SEC23A: variants seen among roughly 807,000 people sequenced by gnomAD.
The protein encoded by SEC23A is SEC23 homolog A, COPII component, also known as protein transport protein Sec23A.
Under a neutral mutation model 103.7 loss-of-function variants are expected in SEC23A, and 56 were observed. The observed-to-expected ratio is 0.54, with a 90% CI of 0.44 to 0.67. The LOEUF is 0.67. Among genes scored for constraint, SEC23A ranks in the 30% least tolerant of loss-of-function variants. The pLI, the probability that SEC23A is intolerant of heterozygous loss-of-function variation, is 0.00. For missense variants in SEC23A, 784 were observed against 936.4 expected (o/e 0.84, Z 2.12); for synonymous variants, 281 against 293.0 (o/e 0.96, Z 0.42).
chr14:39,076,444 T>G (rs1887025363), intron 7 of SEC23A, among the ~76,000 whole-genome samples: 1 of 150,954 alleles, frequency 6.6e-6, no homozygotes, highest in Non-Finnish European at 1.5e-5. Context: ...TTTTTTTTTT[T>G]TTTTTTAGAG....
intron 14 of SEC23A, among the ~76,000 whole-genome samples, chr14:39,052,388 A>G (rs1012485376): frequency 6.6e-6 from 1 of 152,214 alleles, no homozygotes; most frequent in African/African-American, 2.4e-5. Flanking sequence ...AATTCTAGAC[A>G]TAAGTCTTCA....
rs751291715 is a variant in SEC23A, at chr14:39,093,137, G to T, written c.279+50C>A. The T allele has an allele frequency of 2.0e-6, 3 of 1,504,446 alleles. No individual in the cohort carries two copies. In the South Asian group the frequency reaches 3.4e-5, roughly 17 times the overall value. The allele number at this position is 1,504,446 out of a possible 1,614,324, so 93.2% of individuals were successfully genotyped here. ...CCGCCTCGGCCTCCCAAAGTGCTGG[G>T]ATTACAGGCATGAGCCACTGCGCCC... On this transcript the variant is annotated intron_variant, in intron 3 of 19. Coordinates refer to ENST00000307712, the MANE Select transcript of SEC23A (RefSeq NM_006364.4).
intron 19 of SEC23A, among the ~76,000 whole-genome samples, chr14:39,035,005 T>C (rs1237121129): frequency 1.3e-5 from 2 of 152,220 alleles, no homozygotes; most frequent in Admixed American, 6.5e-5. Flanking sequence ...TGGTTACTGT[T>C]ATTTCCTTTA....
chr14:39,072,545 G>A (rs1886872622), intron 9 of SEC23A, among the ~76,000 whole-genome samples: 1 of 152,034 alleles, frequency 6.6e-6, no homozygotes, highest in Admixed American at 6.6e-5. Context: ...GGGCACGGTG[G>A]CTCACACCTG....
At chr14:39,100,267 T>A (rs1888037149) in intron 1 of SEC23A, among the ~76,000 whole-genome samples, 1 of 152,318 alleles carries the variant, frequency 6.6e-6, no homozygotes, top group African/African-American at 2.4e-5. Flanking sequence ...TACATGGCTA[T>A]GCACAACACT....
chr14:39,094,438 ATATATTTTT>A lies in SEC23A; in HGVS notation c.222-1203_222-1195del, dbSNP rs1331599024. Among the ~76,000 whole-genome samples, 30 of 15,672 alleles carry A rather than the reference ATATATTTTT, an allele frequency of 1.9e-3. 5 individuals are homozygous for A. The highest frequency in any genetic ancestry group is 2.4e-3 in the Admixed American group (3 of 1,238). The allele number at this position is 15,672 out of a possible 152,430, so 10.3% of individuals were successfully genotyped here. ...TATATATATATATATATATATATATATATATTTTTTTTTTTTTTTTTTCCCCTCCTGTAG... is the reference window on the plus strand; with the variant it reads ...TATATATATATATATATATATATATATTTTTTTTTTTTTCCCCTCCTGTAG... On this transcript the variant is annotated intron_variant, in intron 2 of 19. Transcript: ENST00000307712.
At chr14:39,042,712 C>A in intron 17 of SEC23A, 74 bp downstream of exon 17, 2 of 897,034 alleles carry the variant, frequency 2.2e-6, no homozygotes, top group East Asian at 4.9e-5. Flanking sequence ...ACTAGCCATA[C>A]AATTAGAAGT....
intron 9 of SEC23A, among the ~76,000 whole-genome samples, chr14:39,069,523 G>T (rs928674667): frequency 6.6e-6 from 1 of 151,974 alleles, no homozygotes; most frequent in Non-Finnish European, 1.5e-5. Context: ...GCAGTGATGC[G>T]ATCATGGCTC....
At chr14:39,059,303 AAAAAAAAC>A (rs1019886014) in intron 13 of SEC23A, among the ~76,000 whole-genome samples, 2 of 109,076 alleles carry the variant, frequency 1.8e-5, no homozygotes, top group African/African-American at 3.5e-5. Context: ...AAAAAAAAAA[AAAAAAAAC>A]AACAAGGTGC....
intron 5 of SEC23A, among the ~76,000 whole-genome samples, chr14:39,089,963 A>T (rs1425154043): frequency 6.6e-6 from 1 of 152,236 alleles, no homozygotes; most frequent in Non-Finnish European, 1.5e-5. Flanking sequence ...TCTCAGAAGA[A>T]AAAGAACAAA....
Position 39,040,759 on chromosome 14 carries a change from G to T in SEC23A, c.2115C>A (p.Tyr705Ter). 1 of 1,614,186 alleles carries T rather than the reference G, an allele frequency of 6.2e-7. No individual in the cohort carries two copies. Among genetic ancestry groups the T allele is most frequent in the Non-Finnish European group, 8.5e-7 (1 of 1,180,034 alleles). Residue 705 changes from tyrosine (Y) to a stop codon, truncating the protein, a stop_gained, in exon 18 of 20, where the codon TAC becomes TAA. Transcript: ENST00000307712. LOFTEE classifies it high-confidence loss of function. Reference protein sequence around the residue: ...ILHSRFPMPRYIDTEHGGSQA... With the variant: ...ILHSRFPMPR ...GGCTGCCTCCATGTTCAGTGTCAAT[G>T]TATCTTGGCATTGGAAATCTGGAGT...
intron 7 of SEC23A, among the ~76,000 whole-genome samples, chr14:39,084,958 G>A (rs1027586118): frequency 1.4e-4 from 21 of 152,052 alleles, no homozygotes; most frequent in African/African-American, 4.3e-4. Context: ...GGCATGAGGT[G>A]CCCAGCCAAG....
At chr14:39,089,165 CAAAAAAA>C (rs58732430) in intron 5 of SEC23A, among the ~76,000 whole-genome samples, 1 of 69,358 alleles carries the variant, frequency 1.4e-5, no homozygotes, top group Non-Finnish European at 3.1e-5. Context: ...GACTCCGTGT[CAAAAAAA>C]AAAAAAAAAA....
Position 39,048,659 on chromosome 14 carries a change from TA to T in SEC23A, c.1729del (p.Tyr577IlefsTer8). On this transcript the variant is annotated frameshift_variant, in exon 15 of 20. Transcript: ENST00000307712. LOFTEE classifies it high-confidence loss of function. ...GACCTTTTACCTACTTACCTGTGGA[TA>T]AAGGGAGAAAGTTTCTGAAAATCTG... ...SFRFSETFSL[Y>X]PQFMFHLRRS... The T allele has an allele frequency of 6.3e-7, 1 of 1,592,280 alleles. No homozygotes were observed.
chr14:39,093,147 A>G lies in SEC23A; in HGVS notation c.279+40T>C, dbSNP rs753996164. 9.5e-6 allele frequency: 15 copies of G among 1,575,686 alleles called. No individual in the cohort carries two copies. In the African/African-American group the frequency reaches 1.8e-4, roughly 18 times the overall value. The stretch of plus-strand genomic sequence containing the variant: ...CTCCCAAAGTGCTGGGATTACAGGC[A>G]TGAGCCACTGCGCCCGGCATGCAAT... On this transcript the variant is annotated intron_variant, in intron 3 of 19. Coordinates refer to ENST00000307712, the MANE Select transcript of SEC23A (RefSeq NM_006364.4).
intron 7 of SEC23A, among the ~76,000 whole-genome samples, chr14:39,084,893 A>T (rs1887375185): frequency 6.6e-6 from 1 of 151,902 alleles, no homozygotes. Flanking sequence ...CTAGTCTCGA[A>T]CTCCAGACCT....
At chr14:39,043,965 T>C (rs2139191239) in intron 16 of SEC23A, among the ~76,000 whole-genome samples, 1 of 152,264 alleles carries the variant, frequency 6.6e-6, no homozygotes, top group East Asian at 1.9e-4. Context: ...AGTTCAACTC[T>C]CACCAGGAGC....
intron 2 of SEC23A, among the ~76,000 whole-genome samples, chr14:39,094,435 TATATATA>T (rs1198847595): frequency 1.6e-3 from 59 of 36,026 alleles, no homozygotes; most frequent in African/African-American, 0.014. Flanking sequence ...TATATATATA[TATATATA>T]TTTTTTTTTT....
chr14:39,034,513 C>G (rs970282986), intron 19 of SEC23A, among the ~76,000 whole-genome samples: 1 of 152,208 alleles, frequency 6.6e-6, no homozygotes, highest in African/African-American at 2.4e-5. Flanking sequence ...AGTCTCAAAA[C>G]TGTAACCTAA....
Sources: allele counts gnomAD v4.1 joint callset (sites outside exome capture counted in the v4.1 genomes callset), GRCh38; gene constraint gnomAD v4.1.1; transcripts MANE v1.5; gene names NCBI Gene and HGNC (gene_info 2026-07-23, HGNC 2026-07-21).